The following IFITM10 variants were observed in gnomAD, a reference collection of about 807,000 sequenced individuals.
IFITM10 encodes the protein interferon induced transmembrane protein 10.
IFITM10 carries 17 observed loss-of-function variants against 19.0 expected under a neutral mutation model. That is an observed-to-expected ratio of 0.90 (90% CI 0.61 to 1.34). The LOEUF (loss-of-function observed/expected upper bound fraction) is 1.34, where lower values mean the gene tolerates loss of function less well. IFITM10 is among the 40% of genes most tolerant of loss of function. IFITM10 has a pLI of 0.00. For synonymous variants in IFITM10, 148 were observed against 147.2 expected, an observed-to-expected ratio of 1.01 and a Z score of -0.04; for missense variants, 306 against 319.8, an observed-to-expected ratio of 0.96 and a Z score of 0.33.
chr11:1,736,999 G>A (rs7951148), intron 2 of IFITM10, among the ~76,000 whole-genome samples: 379 of 151,942 alleles, frequency 2.5e-3, no homozygotes, highest in Non-Finnish European at 4.3e-3. Flanking sequence ...GAGGATTCAG[G>A]GTAAGGAAGG....
At position 1,735,410 on chromosome 11, in the gene IFITM10, A is replaced by G; in HGVS notation, c.557T>C (p.Leu186Pro). 6.4e-7 allele frequency: 1 copy of G among 1,551,584 alleles called. No homozygotes were observed. Among genetic ancestry groups the G allele is most frequent in the South Asian group, 1.2e-5 (1 of 84,058 alleles). ...CTCCACGGCTCCATTCAGGTCATTG[A>G]GAAGCTTCTTGTCTCGCACCTGAAG... Reference protein sequence around the residue: ...YSLKVRDKKLLNDLNGAVEDA... With the variant: ...YSLKVRDKKLPNDLNGAVEDA... The change falls in exon 3 of 3, where the codon CTC becomes CCC. Residue 186 changes from leucine to proline, a missense_variant. By Grantham distance (98) the Leu-to-Pro change is moderately conservative. Coordinates refer to ENST00000340134, the MANE Select transcript of IFITM10 (RefSeq NM_001170820.4).
intron 2 of IFITM10, among the ~76,000 whole-genome samples, chr11:1,743,871 C>A (rs1405137647): frequency 6.6e-6 from 1 of 152,198 alleles, no homozygotes; most frequent in Non-Finnish European, 1.5e-5. Flanking sequence ...ATATCCTTCT[C>A]TTTCCATGGC....
chr11:1,738,717 G>A (rs1851112907), intron 2 of IFITM10, among the ~76,000 whole-genome samples: 1 of 152,168 alleles, frequency 6.6e-6, no homozygotes, highest in Admixed American at 6.5e-5. Context: ...CTGGACATGT[G>A]TTGAAGGTGG....
chr11:1,745,552 A>C (rs973070363), intron 2 of IFITM10: 3 of 152,632 alleles, frequency 2.0e-5, no homozygotes, highest in African/African-American at 7.2e-5. Flanking sequence ...ACACACATTT[A>C]CACGTACCAT....
chr11:1,743,742 C>T (rs1845600129), intron 2 of IFITM10, among the ~76,000 whole-genome samples: 1 of 152,128 alleles, frequency 6.6e-6, no homozygotes, highest in Non-Finnish European at 1.5e-5. Flanking sequence ...CTCTCCCACC[C>T]CCATCCCCAG....
At chr11:1,743,046 T>C (rs903170655) in intron 2 of IFITM10, among the ~76,000 whole-genome samples, 1 of 129,796 alleles carries the variant, frequency 7.7e-6, no homozygotes, top group African/African-American at 3.0e-5. Context: ...GATGGATGGA[T>C]GAAGGATGGA....
intron 2 of IFITM10, among the ~76,000 whole-genome samples, chr11:1,741,004 T>C (rs1423329779): frequency 2.0e-5 from 3 of 152,168 alleles, no homozygotes; most frequent in South Asian, 4.1e-4. Flanking sequence ...CACTTTGCCC[T>C]CCACCATGAC....
At chr11:1,739,394 A>G (rs1184739086) in intron 2 of IFITM10, among the ~76,000 whole-genome samples, 1 of 152,204 alleles carries the variant, frequency 6.6e-6, no homozygotes, top group Non-Finnish European at 1.5e-5. Context: ...AGATTCCTTA[A>G]TCAATCAATC....
chr11:1,741,583 G>A (rs1845571067), intron 2 of IFITM10, among the ~76,000 whole-genome samples: 1 of 152,138 alleles, frequency 6.6e-6, no homozygotes, highest in Admixed American at 6.5e-5. Flanking sequence ...CTATGACTGT[G>A]AATATTGATG....
At chr11:1,742,348 A>G (rs925659300) in intron 2 of IFITM10, among the ~76,000 whole-genome samples, 1 of 152,202 alleles carries the variant, frequency 6.6e-6, no homozygotes. Context: ...GGGGCAAAAG[A>G]AAGGAAAAGA....
At chr11:1,735,695 A>T in intron 2 of IFITM10, among the ~76,000 whole-genome samples, 1 of 152,210 alleles carries the variant, frequency 6.6e-6, no homozygotes, top group East Asian at 1.9e-4. Context: ...GTATTTATAT[A>T]TATAGAGAAA....
rs2133650592 is a variant in IFITM10, at chr11:1,747,730, G to C, written c.474C>G (p.Ile158Met). ...AGAAGTTGAGGTAGACGAAGTTGAAGATGGACCACAGGTAATAGTCGTTCA... is the reference window on the plus strand; with the variant it reads ...AGAAGTTGAGGTAGACGAAGTTGAACATGGACCACAGGTAATAGTCGTTCA... ...TEVNDYYLWSIFNFVYLNFCC... is the reference protein window; with the variant it reads ...TEVNDYYLWSMFNFVYLNFCC... Residue 158 changes from isoleucine to methionine, a missense_variant, in exon 2 of 3, where the codon ATC becomes ATG. Transcript: ENST00000340134. 1 of 1,551,832 alleles carries C rather than the reference G, an allele frequency of 6.4e-7. No individual in the cohort carries two copies. Among genetic ancestry groups the C allele is most frequent in the East Asian group, 2.4e-5 (1 of 40,920 alleles).
chr11:1,747,590 G>T, intron 2 of IFITM10, 77 bp downstream of exon 2: 1 of 1,310,148 alleles, frequency 7.6e-7, no homozygotes, highest in Non-Finnish European at 1.1e-6. Flanking sequence ...GAGGGGCCGA[G>T]CGCCCACAGC....
intron 2 of IFITM10, among the ~76,000 whole-genome samples, chr11:1,736,833 A>G (rs1453184130): frequency 6.6e-6 from 1 of 151,860 alleles, no homozygotes; most frequent in Non-Finnish European, 1.5e-5. Context: ...GATGGAATGG[A>G]TGGAGTGGAG....
At chr11:1,749,366 G>T (rs1845691445) in intron 1 of IFITM10, among the ~76,000 whole-genome samples, 1 of 151,840 alleles carries the variant, frequency 6.6e-6, no homozygotes, top group East Asian at 2.0e-4. Context: ...TACAGCCCCC[G>T]ACCAGGGTGT....
chr11:1,735,913 G>A (rs754157553), intron 2 of IFITM10, among the ~76,000 whole-genome samples: 5 of 152,194 alleles, frequency 3.3e-5, no homozygotes, highest in African/African-American at 9.6e-5. Flanking sequence ...CCTTGAGGAT[G>A]AGCGTTGTGC....
At chr11:1,743,227 C>G (rs551632029) in intron 2 of IFITM10, among the ~76,000 whole-genome samples, 3 of 128,514 alleles carry the variant, frequency 2.3e-5, no homozygotes, top group Non-Finnish European at 4.9e-5. Flanking sequence ...GAAGAATGGA[C>G]AAATGGAAGA....
At chr11:1,740,262 TGCACTCCAGCCTGG>T (rs1845547093) in intron 2 of IFITM10, among the ~76,000 whole-genome samples, 1 of 129,994 alleles carries the variant, frequency 7.7e-6, no homozygotes, top group Non-Finnish European at 1.5e-5. Context: ...ATTGTGCCAC[TGCACTCCAGCCTGG>T]GCAACAGAGC....
rs1410962341 is a variant in IFITM10, at chr11:1,732,712, G to A, written c.*2568C>T. On this transcript the variant is annotated 3_prime_UTR_variant, in exon 3 of 3. Transcript: ENST00000340134. Reference sequence around the variant, plus strand: ...GGTATGGAAGCCAGGGGCCTTTGTAGCCCCACATTGCCCGGAGTTGGATAC... The same window carrying A: ...GGTATGGAAGCCAGGGGCCTTTGTAACCCCACATTGCCCGGAGTTGGATAC... 2 of 152,204 alleles carry A rather than the reference G, an allele frequency of 1.3e-5. No homozygotes were observed. Among genetic ancestry groups the A allele is most frequent in the East Asian group, 3.9e-4 (2 of 5,182 alleles). 9.4% of individuals were successfully genotyped at this position (152,204 alleles called of 1,614,324 possible). A position where few individuals can be genotyped will look rare whatever the true frequency, so the allele number is the denominator to read the frequency against.
Sources: allele counts gnomAD v4.1 joint callset (sites outside exome capture counted in the v4.1 genomes callset), GRCh38; gene constraint gnomAD v4.1.1; transcripts MANE v1.5; gene names NCBI Gene and HGNC (gene_info 2026-07-23, HGNC 2026-07-21).